The following APBB2 variants were observed in gnomAD, a reference collection of about 807,000 sequenced individuals.
The protein encoded by APBB2 is Fe65-like 1.
APBB2 carries 38 observed loss-of-function variants against 82.5 expected under a neutral mutation model. That is an observed-to-expected ratio of 0.46 (90% CI 0.36 to 0.60). The LOEUF is 0.60. Among genes scored for constraint, APBB2 ranks in the 20% least tolerant of loss-of-function variants. The pLI is 0.00. For synonymous variants in APBB2, 341 were observed against 368.2 expected (o/e 0.93, Z 0.85); for missense variants, 772 against 972.3 (o/e 0.79, Z 2.74).
chr4:40,901,909 A>ATATATGTGTGTGTGTG (rs766567645), intron 10 of APBB2, among the ~76,000 whole-genome samples: 1 of 145,436 alleles, frequency 6.9e-6, no homozygotes, highest in African/African-American at 2.6e-5. Context: ...ATCCAAAATT[A>ATATATGTGTGTGTGTG]TGTGTGTGTG....
intron 6 of APBB2, among the ~76,000 whole-genome samples, chr4:40,960,424 C>G (rs1578762941): frequency 6.9e-6 from 1 of 144,644 alleles, no homozygotes; most frequent in Non-Finnish European, 1.5e-5. Context: ...AGAAGTTCAT[C>G]AAAAACAGAA....
chr4:40,965,729 A>G (rs1259769605), intron 6 of APBB2, among the ~76,000 whole-genome samples: 5 of 152,188 alleles, frequency 3.3e-5, no homozygotes, highest in Non-Finnish European at 7.3e-5. Context: ...TGTATTTCTA[A>G]TGAATGGCAG....
chr4:40,830,632 T>TA, intron 12 of APBB2, 55 bp from the exon 13 acceptor site: 1 of 1,046,310 alleles, frequency 9.6e-7, no homozygotes, highest in Non-Finnish European at 1.5e-6. Context: ...TACCAACACA[T>TA]ACTTTAGTTA....
At chr4:40,851,673 C>A (rs74440958) in intron 12 of APBB2, among the ~76,000 whole-genome samples, 7,246 of 149,844 alleles carry the variant, frequency 0.048, 297 homozygotes, top group African/African-American at 0.11. Context: ...CCTGCCCTTT[C>A]CCATCTGCTG....
At chr4:41,036,312 CTG>C (rs1276557170) in intron 4 of APBB2, among the ~76,000 whole-genome samples, 3 of 152,188 alleles carry the variant, frequency 2.0e-5, no homozygotes, top group Admixed American at 2.0e-4. Flanking sequence ...CGAGGGATGA[CTG>C]TCCTTAGTGT....
At chr4:41,012,563 GCTA>G (rs1248080033) in intron 6 of APBB2, among the ~76,000 whole-genome samples, 1 of 152,072 alleles carries the variant, frequency 6.6e-6, no homozygotes, top group African/African-American at 2.4e-5. Context: ...CTTCAAAAAC[GCTA>G]CTTTTTTTTT....
intron 17 of APBB2, among the ~76,000 whole-genome samples, chr4:40,817,157 T>TG (rs1746012875): frequency 3.9e-5 from 6 of 152,110 alleles, no homozygotes; most frequent in Admixed American, 2.0e-4. Context: ...CCTGTAATCC[T>TG]AGCACTTTGG....
At chr4:41,007,272 T>G (rs1370472220) in intron 6 of APBB2, among the ~76,000 whole-genome samples, 1 of 151,842 alleles carries the variant, frequency 6.6e-6, no homozygotes, top group African/African-American at 2.4e-5. Flanking sequence ...CCTCTGGCCA[T>G]GTGATATCCT....
chr4:41,047,566 T>A (rs1010105545), intron 4 of APBB2, among the ~76,000 whole-genome samples: 1 of 152,250 alleles, frequency 6.6e-6, no homozygotes, highest in African/African-American at 2.4e-5. Flanking sequence ...CCTAGAATGC[T>A]GGCACCATGA....
intron 12 of APBB2, among the ~76,000 whole-genome samples, chr4:40,835,711 A>G (rs1277514770): frequency 6.6e-6 from 1 of 152,168 alleles, no homozygotes; most frequent in Non-Finnish European, 1.5e-5. Context: ...AGGTGACCCC[A>G]TGTGATTTGT....
intron 1 of APBB2, among the ~76,000 whole-genome samples, chr4:41,184,572 C>T (rs1772352484): frequency 6.6e-6 from 1 of 152,206 alleles, no homozygotes; most frequent in Non-Finnish European, 1.5e-5. Context: ...CCAACACTGT[C>T]TGTCCCCCTC....
chr4:40,900,857 C>G (rs1014683729), intron 10 of APBB2, among the ~76,000 whole-genome samples: 2 of 150,054 alleles, frequency 1.3e-5, no homozygotes, highest in African/African-American at 4.9e-5. Context: ...ATTCATTCAA[C>G]AAATATTTAT....
Position 41,211,767 on chromosome 4 carries a change from C to T in APBB2, c.-417+2638G>A, listed in dbSNP as rs563800410. ...AAAGTGCTGTGATTATAGGTGTTAGCCACCGTACCCGGCCAGGTATTGTCT... is the reference window on the plus strand; with the variant it reads ...AAAGTGCTGTGATTATAGGTGTTAGTCACCGTACCCGGCCAGGTATTGTCT... On this transcript the variant is annotated intron_variant, in intron 1 of 17. Coordinates refer to ENST00000508593, the MANE Select transcript of APBB2 (RefSeq NM_004307.2). Among the ~76,000 whole-genome samples the T allele has an allele frequency of 1.2e-4, 19 of 152,274 alleles. No individual in the cohort carries two copies. In the East Asian group the frequency reaches 3.5e-3, roughly 28 times the overall value.
At chr4:40,873,708 A>G (rs1240944333) in intron 12 of APBB2, among the ~76,000 whole-genome samples, 1 of 152,224 alleles carries the variant, frequency 6.6e-6, no homozygotes, top group Non-Finnish European at 1.5e-5. Context: ...TTATTCTCTG[A>G]TTAATGGGGA....
chr4:40,957,122 A>G (rs1215028213), intron 6 of APBB2, among the ~76,000 whole-genome samples: 1 of 152,244 alleles, frequency 6.6e-6, no homozygotes, highest in African/African-American at 2.4e-5. Context: ...GTGGATGTGG[A>G]ACAAAGGCGG....
chr4:40,917,512 T>G (rs1780150393), intron 10 of APBB2, among the ~76,000 whole-genome samples: 1 of 152,154 alleles, frequency 6.6e-6, no homozygotes, highest in Non-Finnish European at 1.5e-5. Context: ...AGGTAAGTGC[T>G]AAGCAGATAA....
chr4:41,168,125 C>A (rs1207994953), intron 1 of APBB2, among the ~76,000 whole-genome samples: 1 of 151,698 alleles, frequency 6.6e-6, no homozygotes, highest in Non-Finnish European at 1.5e-5. Flanking sequence ...AAAAATTGGC[C>A]GGGCGTGGTG....
At chr4:40,850,731 C>T (rs190543497) in intron 12 of APBB2, among the ~76,000 whole-genome samples, 4 of 152,222 alleles carry the variant, frequency 2.6e-5, no homozygotes, top group Admixed American at 2.0e-4. Context: ...GGCCAGTGCC[C>T]GGGAGTTCGA....
intron 4 of APBB2, among the ~76,000 whole-genome samples, chr4:41,062,010 T>C (rs1289496547): frequency 1.3e-5 from 2 of 152,230 alleles, no homozygotes; most frequent in Non-Finnish European, 2.9e-5. Context: ...GTTGTGGCCC[T>C]GTTCAGACAC....
Sources: allele counts gnomAD v4.1 joint callset (sites outside exome capture counted in the v4.1 genomes callset), GRCh38; gene constraint gnomAD v4.1.1; transcripts MANE v1.5; gene names NCBI Gene and HGNC (gene_info 2026-07-23, HGNC 2026-07-21).